The following CNTNAP5 variants were observed in gnomAD, a reference collection of about 807,000 sequenced individuals.
The protein encoded by CNTNAP5 is contactin-associated protein-like 5.
In CNTNAP5, 72 loss-of-function variants were observed where a neutral mutation model predicts 150.2. The observed-to-expected ratio is 0.48, with a 90% confidence interval of 0.40 to 0.58. CNTNAP5 has a LOEUF of 0.58. CNTNAP5 is among the 20% of genes least tolerant of loss of function. The pLI is 0.00. For missense variants in CNTNAP5, 1,636 were observed against 1,626.2 expected (o/e 1.01, Z -0.10); for synonymous variants, 672 against 619.8 (o/e 1.08, Z -1.25).
chr2:124,240,152 T>A (rs927639978), intron 2 of CNTNAP5, among the ~76,000 whole-genome samples: 1 of 152,194 alleles, frequency 6.6e-6, no homozygotes, highest in African/African-American at 2.4e-5. Flanking sequence ...ATTGTATATT[T>A]ATTCAAGTAG....
intron 1 of CNTNAP5, among the ~76,000 whole-genome samples, chr2:124,059,351 G>A (rs1236278752): frequency 6.6e-6 from 1 of 152,112 alleles, no homozygotes; most frequent in Non-Finnish European, 1.5e-5. Flanking sequence ...AAGTAAATAA[G>A]GTCTCCCTCT....
intron 1 of CNTNAP5, among the ~76,000 whole-genome samples, chr2:124,081,959 C>T (rs1449035581): frequency 6.6e-6 from 1 of 152,046 alleles, no homozygotes; most frequent in Non-Finnish European, 1.5e-5. Context: ...CCTATATTGC[C>T]CTTTTATAGT....
intron 13 of CNTNAP5, among the ~76,000 whole-genome samples, chr2:124,703,494 T>A (rs1679569470): frequency 6.6e-6 from 1 of 152,224 alleles, no homozygotes; most frequent in Non-Finnish European, 1.5e-5. Flanking sequence ...ATAAAAGAAG[T>A]AGCATAAAAA....
At chr2:124,278,230 T>C (rs556670793) in intron 3 of CNTNAP5, among the ~76,000 whole-genome samples, 3 of 152,232 alleles carry the variant, frequency 2.0e-5, no homozygotes, top group African/African-American at 7.2e-5. Flanking sequence ...TAAAAATAAG[T>C]TCATAATAAG....
At chr2:124,821,836 C>T (rs939882086) in intron 19 of CNTNAP5, among the ~76,000 whole-genome samples, 1 of 152,176 alleles carries the variant, frequency 6.6e-6, no homozygotes, top group Non-Finnish European at 1.5e-5. Flanking sequence ...TGGGGCAAAG[C>T]CCTCTGTGTT....
intron 1 of CNTNAP5, among the ~76,000 whole-genome samples, chr2:124,181,279 T>A (rs1303609512): frequency 6.6e-6 from 1 of 152,116 alleles, no homozygotes; most frequent in African/African-American, 2.4e-5. Context: ...AATTAAAGTA[T>A]GTAAGAATTT....
At chr2:124,247,400 A>G (rs533104870) in intron 3 of CNTNAP5, among the ~76,000 whole-genome samples, 1 of 151,986 alleles carries the variant, frequency 6.6e-6, no homozygotes, top group Non-Finnish European at 1.5e-5. Context: ...ATGGCATGCA[A>G]CACAGTATAT....
intron 8 of CNTNAP5, among the ~76,000 whole-genome samples, chr2:124,510,793 A>T (rs893227892): frequency 1.3e-5 from 2 of 152,130 alleles, no homozygotes; most frequent in Non-Finnish European, 2.9e-5. Flanking sequence ...GAAAGATCTG[A>T]TCCATGTGGA....
intron 3 of CNTNAP5, among the ~76,000 whole-genome samples, chr2:124,397,212 C>T (rs1691273779): frequency 6.6e-6 from 1 of 152,132 alleles, no homozygotes; most frequent in Non-Finnish European, 1.5e-5. Context: ...ATTCTAGAGC[C>T]TTTCTGTCTT....
At chr2:124,309,433 T>C (rs567283649) in intron 3 of CNTNAP5, among the ~76,000 whole-genome samples, 13 of 152,224 alleles carry the variant, frequency 8.5e-5, no homozygotes, top group African/African-American at 2.4e-4. Context: ...AGGAGTGAGA[T>C]TGTTTGATGC....
intron 7 of CNTNAP5, among the ~76,000 whole-genome samples, chr2:124,477,056 T>G (rs1028617071): frequency 6.6e-6 from 1 of 152,094 alleles, no homozygotes; most frequent in African/African-American, 2.4e-5. Flanking sequence ...CAGAGATATT[T>G]TAGGTAAGTT....
chr2:124,431,508 GATATAT>G (rs201654852), intron 4 of CNTNAP5, among the ~76,000 whole-genome samples: 6 of 114,256 alleles, frequency 5.3e-5, no homozygotes, highest in African/African-American at 2.1e-4. Flanking sequence ...AAGTGTCAAA[GATATAT>G]ATATATATAT....
At chr2:124,899,664 A>G (rs1482817515) in intron 21 of CNTNAP5, among the ~76,000 whole-genome samples, 3 of 151,414 alleles carry the variant, frequency 2.0e-5, no homozygotes, top group African/African-American at 7.4e-5. Context: ...GGTATTTTTC[A>G]GTGGTGTCGC....
intron 1 of CNTNAP5, among the ~76,000 whole-genome samples, chr2:124,170,544 C>T (rs55705177): frequency 0.09 from 13,722 of 152,142 alleles, 833 homozygotes; most frequent in East Asian, 0.34. Flanking sequence ...GCAAGAGTGC[C>T]GCAGCTTCCC....
chr2:124,178,924 T>A (rs897912258), intron 1 of CNTNAP5, among the ~76,000 whole-genome samples: 3 of 145,132 alleles, frequency 2.1e-5, no homozygotes, highest in African/African-American at 7.9e-5. Context: ...ATTTATTTAT[T>A]TATTTATTTA....
intron 1 of CNTNAP5, among the ~76,000 whole-genome samples, chr2:124,063,874 T>C (rs1022579517): frequency 6.6e-6 from 1 of 152,152 alleles, no homozygotes; most frequent in African/African-American, 2.4e-5. Context: ...TTCTTGGTGC[T>C]AGATATTTGT....
intron 12 of CNTNAP5, among the ~76,000 whole-genome samples, chr2:124,641,819 G>GT (rs1003469491): frequency 3.3e-5 from 5 of 152,132 alleles, no homozygotes; most frequent in Non-Finnish European, 7.4e-5. Flanking sequence ...AAAAATTGCA[G>GT]TTTTTTTCTG....
chr2:124,220,701 T>C, intron 1 of CNTNAP5, among the ~76,000 whole-genome samples: 1 of 152,116 alleles, frequency 6.6e-6, no homozygotes, highest in East Asian at 1.9e-4. Context: ...TGCATCATCA[T>C]ATGGCAGAAG....
At chr2:124,088,045 C>G (rs1363751147) in intron 1 of CNTNAP5, among the ~76,000 whole-genome samples, 1 of 152,148 alleles carries the variant, frequency 6.6e-6, no homozygotes, top group Non-Finnish European at 1.5e-5. Context: ...GCCCCACCCT[C>G]TTTCTTCTGG....
Sources: allele counts gnomAD v4.1 joint callset (sites outside exome capture counted in the v4.1 genomes callset), GRCh38; gene constraint gnomAD v4.1.1; transcripts MANE v1.5; gene names NCBI Gene and HGNC (gene_info 2026-07-23, HGNC 2026-07-21).